SRF: variants seen among roughly 807,000 people sequenced by gnomAD.
The protein encoded by SRF is c-fos serum response element-binding transcription factor.
In SRF, 7 loss-of-function variants were observed where a neutral mutation model predicts 37.1. That is an observed-to-expected ratio of 0.19 (90% CI 0.11 to 0.35). SRF has a LOEUF of 0.35. Ranked by LOEUF, SRF falls within the 10% of genes least tolerant of loss-of-function variation. SRF has a pLI of 1.00. For synonymous variants in SRF, 285 were observed against 310.1 expected (o/e 0.92, Z 0.85); for missense variants, 395 against 694.4 (o/e 0.57, Z 4.85).
At chr6:43,177,050 C>A (rs963599716) in intron 4 of SRF, among the ~76,000 whole-genome samples, 2 of 152,092 alleles carry the variant, frequency 1.3e-5, no homozygotes, top group Non-Finnish European at 2.9e-5. Context: ...CCTCAGGTAT[C>A]TCTAGACATT....
In SRF at chr6:43,171,569, G is replaced by A. The variant is rs895586554; in HGVS notation, c.-88G>A. On this transcript the variant is annotated 5_prime_UTR_variant, in exon 1 of 7. Transcript: ENST00000265354. This position sits in a 1 kb window ranked among gnomAD's most constrained non-coding sequence, Gnocchi z 6.5. ...TAGCGGCACTAGCAGCAGCGGGAGT[G>A]CCGGGTTGAGCCGGGAAGCCGATGG... 4 of 1,158,558 alleles carry A rather than the reference G, an allele frequency of 3.5e-6. No homozygotes were observed. Among genetic ancestry groups the A allele is most frequent in the Non-Finnish European group, 3.2e-6 (3 of 936,220 alleles). The allele number at this position is 1,158,558 out of a possible 1,614,324, so 71.8% of individuals were successfully genotyped here.
intron 4 of SRF, among the ~76,000 whole-genome samples, chr6:43,177,625 GGAGA>G (rs1562001071): frequency 1.3e-5 from 2 of 151,410 alleles, no homozygotes; most frequent in Admixed American, 6.6e-5. Flanking sequence ...GCATTAAGAA[GGAGA>G]GAGAGGCCGG....
chr6:43,177,682 G>A (rs1009448001), intron 4 of SRF, among the ~76,000 whole-genome samples: 3 of 151,416 alleles, frequency 2.0e-5, no homozygotes, highest in South Asian at 2.1e-4. Flanking sequence ...TTGGGAGGCC[G>A]AGGGGGGCAG....
chr6:43,171,926 G>A lies in SRF; in HGVS notation c.270G>A (p.Glu90=), dbSNP rs774573847. The change falls in exon 1 of 7, where the codon GAG becomes GAA. Residue 90 remains glutamate (E), a synonymous_variant. Transcript: ENST00000265354. The surrounding 1 kb of genome is among the most constrained non-coding windows in gnomAD (Gnocchi z 6.5). ...ACTCGGAGTCGGGCGAGGAGGAGGAGCTGGGCGCCGAGCGGCGCGGCCTGA... is the reference window on the plus strand; with the variant it reads ...ACTCGGAGTCGGGCGAGGAGGAGGAACTGGGCGCCGAGCGGCGCGGCCTGA... ...EGDSESGEEE[E]LGAERRGLKR... is the part of the protein sequence containing the mutation. The A allele has an allele frequency of 1.3e-4, 196 of 1,467,468 alleles. No individual in the cohort carries two copies. Among genetic ancestry groups the A allele is most frequent in the Non-Finnish European group, 1.7e-4 (185 of 1,110,160 alleles). 90.9% of individuals were successfully genotyped at this position (1,467,468 alleles called of 1,614,324 possible).
At position 43,178,265 on chromosome 6, in the gene SRF, C is replaced by A. The variant is rs371305681; in HGVS notation, c.1163-29C>A. 1 of 1,570,758 alleles carries A rather than the reference C, an allele frequency of 6.4e-7. No homozygotes were observed. The highest frequency in any genetic ancestry group is 1.7e-5 in the Admixed American group (1 of 58,444). ...TGGGAGTTATCAGTGGGGACCAGTGCCGAGCTGACACATGTCTGTGTTTGC... is the reference window on the plus strand; with the variant it reads ...TGGGAGTTATCAGTGGGGACCAGTGACGAGCTGACACATGTCTGTGTTTGC... On this transcript the variant is annotated intron_variant, in intron 4 of 6. Transcript: ENST00000265354. This position sits in a 1 kb window ranked among gnomAD's most constrained non-coding sequence, Gnocchi z 4.3.
Position 43,172,549 on chromosome 6 carries a change from G to T in SRF, c.513+380G>T. ...AGTGCACTCCGGTGTTCGGACGAGG[G>T]CGCCGGAAAAGCAGGGAGCAAACGA... On this transcript the variant is annotated intron_variant, in intron 1 of 6. Transcript: ENST00000265354. This position sits in a 1 kb window ranked among gnomAD's most constrained non-coding sequence, Gnocchi z 5.7. 1.2e-6 allele frequency: 1 copy of T among 838,414 alleles called. No homozygotes were observed. Among genetic ancestry groups the T allele is most frequent in the Non-Finnish European group, 1.4e-6 (1 of 695,702 alleles). 51.9% of individuals were successfully genotyped at this position (838,414 alleles called of 1,614,324 possible).
In SRF at chr6:43,171,376, TGCCCCCCGGGGGAC is replaced by T. The variant is rs1350733878; in HGVS notation, c.-278_-265del. 1 of 212,256 alleles carries T rather than the reference TGCCCCCCGGGGGAC, an allele frequency of 4.7e-6. No homozygotes were observed. Among genetic ancestry groups the T allele is most frequent in the Non-Finnish European group, 9.2e-6 (1 of 108,602 alleles). 13.1% of individuals were successfully genotyped at this position (212,256 alleles called of 1,614,324 possible). ...CGTCTCGGCCGCGGCCAGCAGCCCC[TGCCCCCCGGGGGAC>T]GCTGACGGCCGCCCGGCGCGCCGCC... On this transcript the variant is annotated 5_prime_UTR_variant, in exon 1 of 7. The change abolishes the stop of an existing upstream ORF in the 5' untranslated region. Transcript: ENST00000265354. The surrounding 1 kb of genome is among the most constrained non-coding windows in gnomAD (Gnocchi z 6.5).
rs370351023 is a variant in SRF, at chr6:43,176,710, C to A, written c.1162+43C>A. The A allele has an allele frequency of 4.2e-5, 68 of 1,600,468 alleles. No homozygotes were observed. The highest frequency in any genetic ancestry group is 5.6e-5 in the Non-Finnish European group (65 of 1,170,716). ...GTCACCCTCCCTCCCTGCCTTCCCC[C>A]ACGAGGCCTAGCAGTAGGTGCCCAA... On this transcript the variant is annotated intron_variant, in intron 4 of 6. Transcript: ENST00000265354. This position sits in a 1 kb window ranked among gnomAD's most constrained non-coding sequence, Gnocchi z 4.0.
Position 43,175,962 on chromosome 6 carries a change from T to A in SRF, c.1037T>A (p.Met346Lys). ...CAGCTGCCTACCAGCTTCACCCTCA[T>A]GCCTGGTGAGTCACGAGGGGCAGGG... ...LMQLPTSFTL[M>K]PGGAVAQQVP... Residue 346 changes from methionine (M) to lysine (K), a missense_variant, in exon 3 of 7, where the codon ATG becomes AAG. Physicochemically the swap from Met to Lys is moderately conservative, Grantham distance 95. Coordinates refer to ENST00000265354, the MANE Select transcript of SRF (RefSeq NM_003131.4). The A allele has an allele frequency of 6.2e-7, 1 of 1,611,176 alleles. No homozygotes were observed. The highest frequency in any genetic ancestry group is 1.3e-5 in the African/African-American group (1 of 74,998).
chr6:43,172,182 G>C lies in SRF; in HGVS notation c.513+13G>C. ...CATCATGAAGAAGGTACCAAGCCGG[G>C]GGGCTGGCCGGCCCCGGGGCCCGGT... is the stretch of plus-strand genomic sequence containing the variant. On this transcript the variant is annotated intron_variant, in intron 1 of 6. Transcript: ENST00000265354. The surrounding 1 kb of genome is among the most constrained non-coding windows in gnomAD (Gnocchi z 5.7). 1.2e-6 allele frequency: 2 copies of C among 1,605,602 alleles called. No homozygotes were observed. Among genetic ancestry groups the C allele is most frequent in the Non-Finnish European group, 1.7e-6 (2 of 1,178,588 alleles).
At position 43,176,693 on chromosome 6, in the gene SRF, C is replaced by G; in HGVS notation, c.1162+26C>G. 6.2e-7 allele frequency: 1 copy of G among 1,607,574 alleles called. No homozygotes were observed. Among genetic ancestry groups the G allele is most frequent in the East Asian group, 2.2e-5 (1 of 44,678 alleles). On this transcript the variant is annotated intron_variant, in intron 4 of 6. Coordinates refer to ENST00000265354, the MANE Select transcript of SRF (RefSeq NM_003131.4). This position sits in a 1 kb window ranked among gnomAD's most constrained non-coding sequence, Gnocchi z 4.0. Reference sequence around the variant, plus strand: ...GTATAGCTCGCAGCCCTGTCACCCTCCCTCCCTGCCTTCCCCCACGAGGCC... The same window carrying G: ...GTATAGCTCGCAGCCCTGTCACCCTGCCTCCCTGCCTTCCCCCACGAGGCC...
At chr6:43,177,914 C>CAAA (rs748998373) in intron 4 of SRF, among the ~76,000 whole-genome samples, 1 of 47,934 alleles carries the variant, frequency 2.1e-5, no homozygotes, top group African/African-American at 8.0e-5. Context: ...GACTCCATCT[C>CAAA]AAAAAAAAAA....
In SRF at chr6:43,178,272, G is replaced by T; in HGVS notation, c.1163-22G>T. The T allele has an allele frequency of 1.3e-6, 2 of 1,580,734 alleles. No individual in the cohort carries two copies. The highest frequency in any genetic ancestry group is 2.3e-5 in the South Asian group (2 of 87,774). The stretch of plus-strand genomic sequence containing the variant: ...TATCAGTGGGGACCAGTGCCGAGCT[G>T]ACACATGTCTGTGTTTGCCAGTGAC... On this transcript the variant is annotated intron_variant, in intron 4 of 6. Transcript: ENST00000265354. The surrounding 1 kb of genome is among the most constrained non-coding windows in gnomAD (Gnocchi z 4.3).
intron 4 of SRF, among the ~76,000 whole-genome samples, chr6:43,177,536 CTG>C (rs1322617277): frequency 6.6e-6 from 1 of 150,998 alleles, no homozygotes; most frequent in Non-Finnish European, 1.5e-5. Flanking sequence ...GGCCCAGAGT[CTG>C]TGTTTTAACA....
In SRF at chr6:43,172,201, G is replaced by C. The variant is rs749863011; in HGVS notation, c.513+32G>C. 2 of 1,594,216 alleles carry C rather than the reference G, an allele frequency of 1.3e-6. No homozygotes were observed. Among genetic ancestry groups the C allele is most frequent in the Admixed American group, 3.5e-5 (2 of 57,268 alleles). On this transcript the variant is annotated intron_variant, in intron 1 of 6. Coordinates refer to ENST00000265354, the MANE Select transcript of SRF (RefSeq NM_003131.4). This position sits in a 1 kb window ranked among gnomAD's most constrained non-coding sequence, Gnocchi z 5.7. ...AGCCGGGGGGCTGGCCGGCCCCGGG[G>C]CCCGGTTGGGGTGGGGATGTGCAAA...
chr6:43,172,312 C>G lies in SRF; in HGVS notation c.513+143C>G. ...TGTGTGGGAGGGGATGGCTCCTGCC[C>G]GGGGAGGGCCGAAGGGGAGGGGCCG... On this transcript the variant is annotated intron_variant, in intron 1 of 6. Coordinates refer to ENST00000265354, the MANE Select transcript of SRF (RefSeq NM_003131.4). The surrounding 1 kb of genome is among the most constrained non-coding windows in gnomAD (Gnocchi z 5.7). 66 of 1,194,714 alleles carry G rather than the reference C, an allele frequency of 5.5e-5. No individual in the cohort carries two copies. The highest frequency in any genetic ancestry group is 2.5e-4 in the East Asian group (5 of 20,130). The allele number at this position is 1,194,714 out of a possible 1,614,324, so 74.0% of individuals were successfully genotyped here. A position where few individuals can be genotyped will look rare whatever the true frequency, so the allele number is the denominator to read the frequency against.
intron 2 of SRF, among the ~76,000 whole-genome samples, chr6:43,174,607 G>A (rs1050149653): frequency 2.6e-5 from 4 of 152,246 alleles, no homozygotes; most frequent in African/African-American, 4.8e-5. Context: ...TTTGCCTGCT[G>A]CTAGGGATGC....
chr6:43,171,813 C>T lies in SRF; in HGVS notation c.157C>T (p.Pro53Ser). 8.1e-7 allele frequency: 1 copy of T among 1,232,248 alleles called. No homozygotes were observed. The highest frequency in any genetic ancestry group is 3.2e-5 in the East Asian group (1 of 30,966). The allele number at this position is 1,232,248 out of a possible 1,614,324, so 76.3% of individuals were successfully genotyped here. Residue 53 changes from proline (P) to serine (S), a missense_variant, in exon 1 of 7, where the codon CCC becomes TCC. This residue lies in a region of SRF where 134 missense variants were observed against 204.5 expected (regional missense o/e 0.66). Transcript: ENST00000265354. The surrounding 1 kb of genome is among the most constrained non-coding windows in gnomAD (Gnocchi z 6.5). ...CCCCGGGAATGGCGCGGGGCTCGGGCCCGGCCGCCTGGAGCGGGAGGCTGC... is the reference window on the plus strand; with the variant it reads ...CCCCGGGAATGGCGCGGGGCTCGGGTCCGGCCGCCTGGAGCGGGAGGCTGC... ...RVPGNGAGLG[P>S]GRLEREAAAA...
chr6:43,178,203 A>G lies in SRF; in HGVS notation c.1163-91A>G. 1 of 1,352,492 alleles carries G rather than the reference A, an allele frequency of 7.4e-7. No individual in the cohort carries two copies. The highest frequency in any genetic ancestry group is 9.9e-7 in the Non-Finnish European group (1 of 1,011,486). 83.8% of individuals were successfully genotyped at this position (1,352,492 alleles called of 1,614,324 possible). On this transcript the variant is annotated intron_variant, in intron 4 of 6. Coordinates refer to ENST00000265354, the MANE Select transcript of SRF (RefSeq NM_003131.4). This position sits in a 1 kb window ranked among gnomAD's most constrained non-coding sequence, Gnocchi z 4.3. The stretch of plus-strand genomic sequence containing the variant: ...CTAGCTTCTGACCTGGGAAATGGCA[A>G]GAGGGCTCTGGGGGCCTGGAATTCC...
Sources: gnomAD v4.1 joint callset for allele counts (sites outside exome capture counted in the v4.1 genomes callset) on GRCh38, gnomAD v4.1.1 for gene constraint, gnomAD v4.1.1 regional missense constraint, Gnocchi (gnomAD v3.1) non-coding constraint, MANE v1.5 for transcripts, NCBI Gene and HGNC (gene_info 2026-07-23, HGNC 2026-07-21) for gene names.